TRIB2: variants seen among roughly 807,000 people sequenced by gnomAD.
The protein encoded by TRIB2 is tribbles pseudokinase 2.
A neutral mutation model predicts 26.8 loss-of-function variants in TRIB2; 2 were observed. The observed-to-expected ratio is 0.07, with a 90% CI of 0.03 to 0.24. The LOEUF (loss-of-function observed/expected upper bound fraction) is 0.24. Ranked by LOEUF, TRIB2 falls within the 10% of genes least tolerant of loss-of-function variation. The pLI is 1.00. For missense variants in TRIB2, 306 were observed against 449.0 expected (o/e 0.68, Z 2.88); for synonymous variants, 189 against 187.3 (o/e 1.01, Z -0.08).
intron 2 of TRIB2, among the ~76,000 whole-genome samples, chr2:12,726,823 G>T (rs1269650037): frequency 6.6e-6 from 1 of 152,216 alleles, no homozygotes; most frequent in African/African-American, 2.4e-5. Flanking sequence ...GGCTTTACGT[G>T]TGAAATTGGC....
chr2:12,720,824 A>G (rs1291118255), intron 1 of TRIB2, among the ~76,000 whole-genome samples: 2 of 152,242 alleles, frequency 1.3e-5, no homozygotes, highest in Admixed American at 6.5e-5. Context: ...TACTTTTGCT[A>G]GATGAATGAA....
At chr2:12,725,052 C>T (rs531742817) in intron 2 of TRIB2, among the ~76,000 whole-genome samples, 7 of 152,292 alleles carry the variant, frequency 4.6e-5, no homozygotes, top group Admixed American at 6.5e-5. Context: ...CAAAGTGCAA[C>T]GTGGTGAAGT....
chr2:12,721,759 G>A (rs1370641509), intron 1 of TRIB2, among the ~76,000 whole-genome samples: 2 of 152,194 alleles, frequency 1.3e-5, no homozygotes, highest in South Asian at 2.1e-4. Flanking sequence ...TTCCTTGGCC[G>A]TGTTAGCAGC....
intron 2 of TRIB2, chr2:12,724,724 C>T (rs1661299533): frequency 6.2e-7 from 1 of 1,612,884 alleles, no homozygotes; most frequent in Non-Finnish European, 8.5e-7. Context: ...TTCCACCCTC[C>T]CCCTACCAGC....
chr2:12,732,210 C>T lies in TRIB2; in HGVS notation c.564-8116C>T, dbSNP rs1046216994. Among the ~76,000 whole-genome samples the T allele has an allele frequency of 1.3e-5, 2 of 152,086 alleles. No individual in the cohort carries two copies. Among genetic ancestry groups the T allele is most frequent in the South Asian group, 2.1e-4 (1 of 4,816 alleles). On this transcript the variant is annotated intron_variant, in intron 2 of 2. Transcript: ENST00000155926. The surrounding 1 kb of genome is among the most constrained non-coding windows in gnomAD (Gnocchi z 4.2). ...TCATCCAGGCACCATGGATGGGAGT[C>T]GGGCAGGAATGTGCACCTGCATGCG... is the stretch of plus-strand genomic sequence containing the variant.
At chr2:12,724,906 C>G (rs191796052) in intron 2 of TRIB2, 1 of 1,500,854 alleles carries the variant, frequency 6.7e-7, no homozygotes, top group Non-Finnish European at 8.9e-7. Context: ...TATGTTCCAC[C>G]TTTCTTGGAG....
In TRIB2 at chr2:12,736,884, G is replaced by A. The variant is rs138481982; in HGVS notation, c.564-3442G>A. On this transcript the variant is annotated intron_variant, in intron 2 of 2. Coordinates refer to ENST00000155926, the MANE Select transcript of TRIB2 (RefSeq NM_021643.4). ...TGAAAAGAGGAGGAGGGCGTGCTCC[G>A]TAATGTAGGATGGACAGGATCAAGT... Among the ~76,000 whole-genome samples the A allele has an allele frequency of 2.4e-3, 371 of 152,308 alleles. 3 individuals are homozygous for A. The highest frequency in any genetic ancestry group is 8.3e-3 in the African/African-American group (345 of 41,558).
At chr2:12,735,642 C>T (rs548235601) in intron 2 of TRIB2, among the ~76,000 whole-genome samples, 3 of 152,132 alleles carry the variant, frequency 2.0e-5, no homozygotes, top group East Asian at 1.9e-4. Context: ...GTAAGTGCCT[C>T]GCATGCATTA....
Position 12,740,330 on chromosome 2 carries a change from C to G in TRIB2, c.568C>G (p.Arg190Gly). The G allele has an allele frequency of 6.2e-7, 1 of 1,612,558 alleles. No homozygotes were observed. Among genetic ancestry groups the G allele is most frequent in the Non-Finnish European group, 8.5e-7 (1 of 1,178,734 alleles). Residue 190 changes from arginine to glycine, a missense_variant, in exon 3 of 3, where the codon CGG becomes GGG. Coordinates refer to ENST00000155926, the MANE Select transcript of TRIB2 (RefSeq NM_021643.4). The surrounding 1 kb of genome is among the most constrained non-coding windows in gnomAD (Gnocchi z 5.8). Reference sequence around the variant, plus strand: ...TGTTTTCCTCCTTTCTTGCAGGACTCGGGTCAAGCTGGAAAGCCTGGAAGA... The same window carrying G: ...TGTTTTCCTCCTTTCTTGCAGGACTGGGGTCAAGCTGGAAAGCCTGGAAGA... Reference protein sequence around the residue: ...KFIFKDEERTRVKLESLEDAY... With the variant: ...KFIFKDEERTGVKLESLEDAY...
Position 12,717,218 on chromosome 2 carries a change from T to C in TRIB2, c.-1090T>C. ...CCCACCGGGCAATTTGGTCTCGGGG[T>C]AGGGGGAGACGGGGTGATTGCAAAT... On this transcript the variant is annotated 5_prime_UTR_variant, in exon 1 of 3. Transcript: ENST00000155926. This position sits in a 1 kb window ranked among gnomAD's most constrained non-coding sequence, Gnocchi z 4.8. 1 of 395,226 alleles carries C rather than the reference T, an allele frequency of 2.5e-6. No homozygotes were observed. The highest frequency in any genetic ancestry group is 4.5e-6 in the Non-Finnish European group (1 of 224,584). The allele number at this position is 395,226 out of a possible 1,614,324, so 24.5% of individuals were successfully genotyped here. A position where few individuals can be genotyped will look rare whatever the true frequency, so the allele number is the denominator to read the frequency against.
At chr2:12,739,233 C>T (rs759191569) in intron 2 of TRIB2, among the ~76,000 whole-genome samples, 4 of 152,088 alleles carry the variant, frequency 2.6e-5, no homozygotes, top group African/African-American at 4.8e-5. Flanking sequence ...AAGACAAAGG[C>T]GGCAGGAAAT....
chr2:12,719,439 C>T (rs6746071), intron 1 of TRIB2, among the ~76,000 whole-genome samples: 1,562 of 152,164 alleles, frequency 0.01, 23 homozygotes, highest in African/African-American at 0.035. Context: ...TCTTTGTGTG[C>T]ACCCACCGGG....
intron 2 of TRIB2, 32 bp downstream of exon 2, chr2:12,723,584 G>T (rs1417634951): frequency 6.3e-7 from 1 of 1,594,832 alleles, no homozygotes; most frequent in South Asian, 1.1e-5. Flanking sequence ...CCTGGGTACT[G>T]TGATGGACTG....
chr2:12,720,585 A>T (rs1371618807), intron 1 of TRIB2, among the ~76,000 whole-genome samples: 2 of 149,120 alleles, frequency 1.3e-5, no homozygotes, highest in Admixed American at 1.3e-4. Context: ...GGCTCAGTGA[A>T]ATCTACACAT....
At chr2:12,737,029 G>C (rs530054008) in intron 2 of TRIB2, among the ~76,000 whole-genome samples, 1 of 152,292 alleles carries the variant, frequency 6.6e-6, no homozygotes, top group South Asian at 2.1e-4. Context: ...GCCAAGCTGG[G>C]CATGTGAGGA....
chr2:12,718,092 C>T lies in TRIB2; in HGVS notation c.-216C>T. On this transcript the variant is annotated 5_prime_UTR_variant, in exon 1 of 3. Coordinates refer to ENST00000155926, the MANE Select transcript of TRIB2 (RefSeq NM_021643.4). This position sits in a 1 kb window ranked among gnomAD's most constrained non-coding sequence, Gnocchi z 4.0. ...CAAAAAGACCCGAGTTGCCTGCCGA[C>T]CGAGGACCCCCGGGAGCCGGGCTCG... The T allele has an allele frequency of 1.6e-6, 1 of 627,764 alleles. No individual in the cohort carries two copies. Among genetic ancestry groups the T allele is most frequent in the Non-Finnish European group, 2.7e-6 (1 of 371,718 alleles). The allele number at this position is 627,764 out of a possible 1,614,324, so 38.9% of individuals were successfully genotyped here.
rs752498995 is a variant in TRIB2 at position 12,740,617 on chromosome 2, C to T, written c.855C>T (p.Ile285=). Residue 285 remains isoleucine, a synonymous_variant, in exon 3 of 3, where the codon ATC becomes ATT. Coordinates refer to ENST00000155926, the MANE Select transcript of TRIB2 (RefSeq NM_021643.4). The surrounding 1 kb of genome is among the most constrained non-coding windows in gnomAD (Gnocchi z 5.8). The part of the protein sequence containing the change: ...ETLSPKAKCL[I]RSILRREPSE... ...TGTCGCCCAAGGCCAAGTGCCTCAT[C>T]CGAAGCATTCTGCGTCGGGAGCCCT... is the stretch of plus-strand genomic sequence containing the variant. 6.2e-7 allele frequency: 1 copy of T among 1,614,096 alleles called. No individual in the cohort carries two copies. The highest frequency in any genetic ancestry group is 8.5e-7 in the Non-Finnish European group (1 of 1,180,048).
intron 2 of TRIB2, chr2:12,724,526 T>C (rs1175016654): frequency 1.3e-6 from 2 of 1,517,156 alleles, no homozygotes; most frequent in Non-Finnish European, 1.8e-6. Flanking sequence ...CATATCTTGA[T>C]CTTTGCTTGT....
Position 12,723,319 on chromosome 2 carries a change from T to C in TRIB2, c.330T>C (p.His110=). Residue 110 remains histidine, a synonymous_variant, in exon 2 of 3, where the codon CAT becomes CAC. Coordinates refer to ENST00000155926, the MANE Select transcript of TRIB2 (RefSeq NM_021643.4). ...SLAPCFCLSA[H]SNINQITEII... is the part of the protein sequence containing the mutation. ...CACCGTGCTTTTGCCTGTCTGCTCATAGTAACATCAACCAAATCACTGAAA... is the reference window on the plus strand; with the variant it reads ...CACCGTGCTTTTGCCTGTCTGCTCACAGTAACATCAACCAAATCACTGAAA... 6.2e-7 allele frequency: 1 copy of C among 1,614,248 alleles called. No individual in the cohort carries two copies. Among genetic ancestry groups the C allele is most frequent in the Non-Finnish European group, 8.5e-7 (1 of 1,180,042 alleles).
Sources: allele counts gnomAD v4.1 joint callset (sites outside exome capture counted in the v4.1 genomes callset), GRCh38; gene constraint gnomAD v4.1.1; non-coding constraint Gnocchi (gnomAD v3.1); transcripts MANE v1.5; gene names NCBI Gene and HGNC (gene_info 2026-07-23, HGNC 2026-07-21).